Variants in CERK observed in about 807,000 individuals in gnomAD.
CERK encodes acylsphingosine kinase.
CERK carries 39 observed loss-of-function variants against 63.4 expected under a neutral mutation model. The ratio of observed to expected loss-of-function variants is 0.61; its 90% CI spans 0.48 to 0.80. The LOEUF is 0.80. Among genes scored for constraint, CERK ranks in the 30% least tolerant of loss-of-function variants. The pLI, the probability that CERK is intolerant of heterozygous loss-of-function variation, is 0.00. For missense variants in CERK, 670 were observed against 714.1 expected, an observed-to-expected ratio of 0.94 and a Z score of 0.70; for synonymous variants, 302 against 280.0, an observed-to-expected ratio of 1.08 and a Z score of -0.78.
In CERK at chr22:46,707,876, G is replaced by A. The variant is rs1323024807; in HGVS notation, c.682C>T (p.Pro228Ser). The A allele has an allele frequency of 2.5e-6, 4 of 1,613,554 alleles. No individual in the cohort carries two copies. Among genetic ancestry groups the A allele is most frequent in the East Asian group, 4.5e-5 (2 of 44,862 alleles). ...ATGATTCCAATCCGGAGGCTACTGG[G>A]GACCAGCACAGCCCGGGGGTGGTTC... ...DQNHPRAVLV[P>S]SSLRIGIIPA... The change falls in exon 6 of 13, where the codon CCC becomes TCC. Residue 228 changes from proline to serine, a missense_variant. Transcript: ENST00000216264.
rs1478908529 is a variant in CERK, at chr22:46,687,172, C to G, written c.1576G>C (p.Gly526Arg). ...TCTGGCTTCGGATTCTCTTCAATTC[C>G]TCGTGCAAAGAGTCGAACCAGCTGG... ...HCQLVRLFAR[G>R]IEENPKPDSH... Residue 526 changes from glycine (G) to arginine (R), a missense_variant, in exon 13 of 13, where the codon GGA (glycine) becomes CGA (arginine). Physicochemically the swap from Gly to Arg is moderately radical, Grantham distance 125. Transcript: ENST00000216264. 1.2e-6 allele frequency: 2 copies of G among 1,614,062 alleles called. No individual in the cohort carries two copies. Among genetic ancestry groups the G allele is most frequent in the African/African-American group, 1.3e-5 (1 of 74,932 alleles).
chr22:46,695,838 C>T (rs1467847172), intron 8 of CERK, among the ~76,000 whole-genome samples: 1 of 152,250 alleles, frequency 6.6e-6, no homozygotes, highest in Non-Finnish European at 1.5e-5. Context: ...TGTGCGCTGT[C>T]CACGGGGCTG....
chr22:46,693,560 T>C (rs2082742235), intron 9 of CERK, 57 bp from the exon 10 acceptor site: 3 of 1,355,816 alleles, frequency 2.2e-6, no homozygotes, highest in Non-Finnish European at 3.2e-6. Context: ...GCAGTGCGTA[T>C]GCTTGGCACA....
chr22:46,697,115 T>A (rs2082760331), intron 8 of CERK, among the ~76,000 whole-genome samples: 1 of 152,256 alleles, frequency 6.6e-6, no homozygotes, highest in Non-Finnish European at 1.5e-5. Flanking sequence ...TTTCATTAAA[T>A]CTTTTCAAGC....
chr22:46,687,728 G>A (rs760917149), intron 12 of CERK, among the ~76,000 whole-genome samples: 45 of 152,168 alleles, frequency 3.0e-4, no homozygotes, highest in Non-Finnish European at 5.6e-4. Context: ...AAGAGCCTTC[G>A]GGCTTGAGGA....
At chr22:46,707,768 G>A (rs762744476) in intron 6 of CERK, 75 bp downstream of exon 6, 146 of 1,498,426 alleles carry the variant, frequency 9.7e-5, no homozygotes, top group Non-Finnish European at 1.3e-4. Flanking sequence ...TTAAGTGTCC[G>A]AGGTGGCTAC....
At chr22:46,735,925 A>G (rs1022513144) in intron 1 of CERK, among the ~76,000 whole-genome samples, 5 of 152,208 alleles carry the variant, frequency 3.3e-5, no homozygotes, top group African/African-American at 1.2e-4. Flanking sequence ...CTCATTCACA[A>G]CTTAGCGTTT....
At chr22:46,701,775 T>C (rs1052510905) in intron 6 of CERK, 65 bp from the exon 7 acceptor site, 1 of 1,189,370 alleles carries the variant, frequency 8.4e-7, no homozygotes, top group Non-Finnish European at 1.2e-6. Flanking sequence ...GCCTCCCAAT[T>C]CAGTGAGTGG....
At chr22:46,730,484 A>C (rs2082940270) in intron 1 of CERK, among the ~76,000 whole-genome samples, 1 of 152,202 alleles carries the variant, frequency 6.6e-6, no homozygotes, top group Non-Finnish European at 1.5e-5. Context: ...AAAATTTAAA[A>C]CTGGAAAGTA....
intron 1 of CERK, among the ~76,000 whole-genome samples, chr22:46,732,929 C>T (rs1312005313): frequency 6.6e-6 from 1 of 151,972 alleles, no homozygotes; most frequent in Admixed American, 6.6e-5. Context: ...GTTAACCTGG[C>T]CAGGCGCGGT....
Position 46,695,230 on chromosome 22 carries a change from A to T in CERK, c.1029T>A (p.Asp343Glu). 6.3e-7 allele frequency: 1 copy of T among 1,597,522 alleles called. No homozygotes were observed. Among genetic ancestry groups the T allele is most frequent in the South Asian group, 1.1e-5 (1 of 90,504 alleles). ...PAQHTVGSPR[D>E]RKPCRAGCFV... ...CTTACCCTGCCCGGCAGGGCTTCCT[A>T]TCCCTTGGAGATCCCACCGTGTGTT... The change falls in exon 9 of 13, where the codon GAT becomes GAA. Residue 343 changes from aspartate to glutamate, a missense_variant. Transcript: ENST00000216264.
intron 5 of CERK, among the ~76,000 whole-genome samples, chr22:46,710,262 T>C (rs1601719375): frequency 6.6e-6 from 1 of 152,168 alleles, no homozygotes; most frequent in African/African-American, 2.4e-5. Flanking sequence ...GGCGAAATCC[T>C]GTCTCTACTA....
intron 8 of CERK, among the ~76,000 whole-genome samples, chr22:46,695,757 G>A (rs1028931381): frequency 7.2e-5 from 11 of 152,214 alleles, no homozygotes; most frequent in South Asian, 6.2e-4. Context: ...CCCCTGTGAC[G>A]TCCTGAACAG....
intron 3 of CERK, 28 bp downstream of exon 3, chr22:46,720,058 C>T: frequency 6.2e-7 from 1 of 1,607,274 alleles, no homozygotes; most frequent in Non-Finnish European, 8.5e-7. Flanking sequence ...CACGGCCATC[C>T]TGTCTCTCAG....
rs1601718066 is a variant in CERK at position 46,707,958 on chromosome 22, G to A, written c.600C>T (p.Phe200=). The change falls in exon 6 of 13, where the codon TTC becomes TTT. Residue 200 remains phenylalanine, a synonymous_variant. Transcript: ENST00000216264. ...GIVCVGGDGM[F]SEVLHGLIGR... is the part of the protein sequence containing the mutation. ...CAATCAGACCGTGCAGCACCTCGCTGAACATACCATCTCCGCCGACACAGA... is the reference window on the plus strand; with the variant it reads ...CAATCAGACCGTGCAGCACCTCGCTAAACATACCATCTCCGCCGACACAGA... 6.2e-7 allele frequency: 1 copy of A among 1,612,430 alleles called. No homozygotes were observed.
rs560091780 is a variant in CERK at position 46,733,306 on chromosome 22, T to C, written c.142+4701A>G. Among the ~76,000 whole-genome samples, 161 of 151,546 alleles carry C rather than the reference T, an allele frequency of 1.1e-3. 2 individuals are homozygous for C. The highest frequency in any genetic ancestry group is 3.6e-3 in the African/African-American group (150 of 41,386). On this transcript the variant is annotated intron_variant, in intron 1 of 12. Coordinates refer to ENST00000216264, the MANE Select transcript of CERK (RefSeq NM_022766.6). ...TATTTTTATTTTATTATTATTATTA[T>C]TATTTGAGATGGAGTCTCGCCGTGT...
At chr22:46,734,888 G>A (rs965091455) in intron 1 of CERK, among the ~76,000 whole-genome samples, 3 of 152,104 alleles carry the variant, frequency 2.0e-5, no homozygotes, top group African/African-American at 7.2e-5. Flanking sequence ...TTTTTTTAAA[G>A]TATCTGTGGC....
intron 3 of CERK, among the ~76,000 whole-genome samples, chr22:46,716,442 C>T (rs1156247512): frequency 4.0e-5 from 6 of 150,844 alleles, no homozygotes; most frequent in South Asian, 2.1e-4. Flanking sequence ...CCACCCGCCT[C>T]GGCCTCCCAA....
In CERK at chr22:46,699,370, T is replaced by C. The variant is rs765364250; in HGVS notation, c.886A>G (p.Ile296Val). The C allele has an allele frequency of 6.2e-7, 1 of 1,614,204 alleles. No homozygotes were observed. Among genetic ancestry groups the C allele is most frequent in the East Asian group, 2.2e-5 (1 of 44,878 alleles). Residue 296 changes from isoleucine (I) to valine (V), a missense_variant, in exon 8 of 13, where the codon ATC becomes GTC. Transcript: ENST00000216264. Reference sequence around the variant, plus strand: ...CGTTTCTTCTCACTGTCCTTGATGATGTCCCCGTAGAAGCCGTAGCCCAGC... The same window carrying C: ...CGTTTCTTCTCACTGTCCTTGATGACGTCCCCGTAGAAGCCGTAGCCCAGC... ...SLLGYGFYGD[I>V]IKDSEKKRWL...
Sources: gnomAD v4.1 joint callset for allele counts (sites outside exome capture counted in the v4.1 genomes callset) on GRCh38, gnomAD v4.1.1 for gene constraint, MANE v1.5 for transcripts, NCBI Gene and HGNC (gene_info 2026-07-23, HGNC 2026-07-21) for gene names.